GRIN2B: variants seen among roughly 807,000 people sequenced by gnomAD.
The protein encoded by GRIN2B is glutamate receptor ionotropic, NMDA 2B.
GRIN2B carries 5 observed loss-of-function variants against 114.5 expected under a neutral mutation model. The observed-to-expected ratio is 0.04, with a 90% CI of 0.02 to 0.09. The LOEUF is 0.09. GRIN2B is among the 10% of genes least tolerant of loss of function. The pLI is 1.00. For missense variants in GRIN2B, 1,108 were observed against 1,943.5 expected (o/e 0.57, Z 8.08); for synonymous variants, 787 against 745.1 (o/e 1.06, Z -0.92).
chr12:13,550,950 G>A lies in GRIN2B; in HGVS notation c.*11833C>T, dbSNP rs181474102. On this transcript the variant is annotated 3_prime_UTR_variant, in exon 14 of 14. Transcript: ENST00000609686. ...AGAATGCAAGAGATGAAAAGTTAGT[G>A]AAGGGAAACACAGCTGTAAGTGCCC... 3.9e-5 allele frequency: 6 copies of A among 152,298 alleles called. No individual in the cohort carries two copies. The highest frequency in any genetic ancestry group is 7.4e-5 in the Non-Finnish European group (5 of 68,024). The allele number at this position is 152,298 out of a possible 1,614,324, so 9.4% of individuals were successfully genotyped here. A position where few individuals can be genotyped will look rare whatever the true frequency, so the allele number is the denominator to read the frequency against.
chr12:13,931,135 TAA>T (rs1867023348), intron 2 of GRIN2B, among the ~76,000 whole-genome samples: 1 of 152,178 alleles, frequency 6.6e-6, no homozygotes, highest in Non-Finnish European at 1.5e-5. Flanking sequence ...AAAAAATATT[TAA>T]TCTAAAAATT....
chr12:13,790,296 C>A (rs1864299024), intron 3 of GRIN2B, among the ~76,000 whole-genome samples: 1 of 152,160 alleles, frequency 6.6e-6, no homozygotes, highest in Non-Finnish European at 1.5e-5. Context: ...CTTCCACTCT[C>A]CTGTGTCCTC....
intron 3 of GRIN2B, among the ~76,000 whole-genome samples, chr12:13,799,301 G>T (rs1341744030): frequency 6.6e-6 from 1 of 152,172 alleles, no homozygotes; most frequent in Non-Finnish European, 1.5e-5. Context: ...AGTGGCAAAG[G>T]ATGGGTGACA....
chr12:13,757,188 A>G (rs988578268), intron 3 of GRIN2B, among the ~76,000 whole-genome samples: 2 of 152,226 alleles, frequency 1.3e-5, no homozygotes, highest in Non-Finnish European at 2.9e-5. Flanking sequence ...AGGCTAATGA[A>G]GCCAAACAGA....
intron 10 of GRIN2B, among the ~76,000 whole-genome samples, chr12:13,606,461 C>T (rs1011490264): frequency 7.9e-5 from 12 of 152,168 alleles, no homozygotes; most frequent in Admixed American, 7.2e-4. Flanking sequence ...TCAGTCCCAC[C>T]CCTCCCAAGG....
intron 2 of GRIN2B, among the ~76,000 whole-genome samples, chr12:13,924,932 A>G (rs1866889447): frequency 6.6e-6 from 1 of 152,166 alleles, no homozygotes; most frequent in Admixed American, 6.5e-5. Flanking sequence ...ATGCCCAGTC[A>G]CAGACATGGA....
At chr12:13,656,748 A>G (rs1265860302) in intron 5 of GRIN2B, among the ~76,000 whole-genome samples, 1 of 152,242 alleles carries the variant, frequency 6.6e-6, no homozygotes, top group Non-Finnish European at 1.5e-5. Flanking sequence ...ACTAATGAAT[A>G]AATAGATGTC....
intron 2 of GRIN2B, among the ~76,000 whole-genome samples, chr12:13,975,371 G>A (rs1368096140): frequency 6.6e-6 from 1 of 152,228 alleles, no homozygotes; most frequent in Non-Finnish European, 1.5e-5. Context: ...CACTGACGTA[G>A]ATATTTAAAA....
chr12:13,747,161 G>C (rs1257512270), intron 4 of GRIN2B, among the ~76,000 whole-genome samples: 1 of 152,084 alleles, frequency 6.6e-6, no homozygotes, highest in East Asian at 1.9e-4. Flanking sequence ...CTATATTATG[G>C]GTGAGTTTTA....
Position 13,868,327 on chromosome 12 carries a change from G to A in GRIN2B, c.-18-2101C>T, listed in dbSNP as rs562291191. 2.6e-5 allele frequency among the ~76,000 whole-genome samples: 4 copies of A among 152,132 alleles called. No individual in the cohort carries two copies. In the East Asian group the frequency reaches 5.8e-4, roughly 22 times the overall value. On this transcript the variant is annotated intron_variant, in intron 2 of 13. Coordinates refer to ENST00000609686, the MANE Select transcript of GRIN2B (RefSeq NM_000834.5). The stretch of plus-strand genomic sequence containing the variant: ...CTGATGGGCTGTACACAATTTAGCA[G>A]GAGAAACAGGGCCTGAATTCCTCCT...
At chr12:13,729,534 TG>T (rs760945268) in intron 4 of GRIN2B, among the ~76,000 whole-genome samples, 5 of 151,950 alleles carry the variant, frequency 3.3e-5, no homozygotes, top group Non-Finnish European at 7.4e-5. Context: ...GGAGAAAGCT[TG>T]GGGAAGATGG....
intron 2 of GRIN2B, among the ~76,000 whole-genome samples, chr12:13,919,737 T>C (rs1866792400): frequency 6.6e-6 from 1 of 152,032 alleles, no homozygotes. Context: ...TGCTTGAAAA[T>C]TGGAAGCTGA....
At chr12:13,906,018 T>C (rs910879361) in intron 2 of GRIN2B, among the ~76,000 whole-genome samples, 2 of 152,194 alleles carry the variant, frequency 1.3e-5, no homozygotes, top group Non-Finnish European at 2.9e-5. Flanking sequence ...TGCCAGGCCA[T>C]GAAAAGTGCA....
intron 5 of GRIN2B, among the ~76,000 whole-genome samples, chr12:13,637,868 T>C (rs1820956015): frequency 6.6e-6 from 1 of 152,150 alleles, no homozygotes; most frequent in Non-Finnish European, 1.5e-5. Flanking sequence ...AGGCTTTACT[T>C]ATTTACTAAC....
intron 10 of GRIN2B, among the ~76,000 whole-genome samples, chr12:13,594,111 T>C (rs1949042547): frequency 6.6e-6 from 1 of 152,196 alleles, no homozygotes; most frequent in Non-Finnish European, 1.5e-5. Flanking sequence ...TGGAAGACAG[T>C]GTGGCAATTC....
intron 2 of GRIN2B, among the ~76,000 whole-genome samples, chr12:13,915,137 T>C (rs1866692346): frequency 6.6e-6 from 1 of 152,216 alleles, no homozygotes; most frequent in African/African-American, 2.4e-5. Flanking sequence ...TTATGCATTA[T>C]ATGAATGTAT....
At chr12:13,791,591 A>G in intron 3 of GRIN2B, among the ~76,000 whole-genome samples, 1 of 152,140 alleles carries the variant, frequency 6.6e-6, no homozygotes, top group East Asian at 1.9e-4. Context: ...TTTTCCTACA[A>G]TATTCTGAGT....
intron 2 of GRIN2B, among the ~76,000 whole-genome samples, chr12:13,920,716 A>G (rs1023233453): frequency 2.6e-5 from 4 of 152,182 alleles, no homozygotes; most frequent in African/African-American, 9.7e-5. Flanking sequence ...GCAAAGGTAC[A>G]GTTTTGCCGG....
At chr12:13,813,194 C>A (rs563249493) in intron 3 of GRIN2B, among the ~76,000 whole-genome samples, 22 of 152,158 alleles carry the variant, frequency 1.4e-4, no homozygotes, top group Middle Eastern at 6.8e-3. Context: ...CTCGGCCTCC[C>A]AAAGTGCTGG....
Sources: gnomAD v4.1 joint callset for allele counts (sites outside exome capture counted in the v4.1 genomes callset) on GRCh38, gnomAD v4.1.1 for gene constraint, MANE v1.5 for transcripts, NCBI Gene and HGNC (gene_info 2026-07-23, HGNC 2026-07-21) for gene names.